Variants in ACTR3B observed in about 807,000 individuals in gnomAD.
The protein encoded by ACTR3B is actin-related protein 3B.
ACTR3B carries 8 observed loss-of-function variants against 59.0 expected under a neutral mutation model. The ratio of observed to expected loss-of-function variants is 0.14; its 90% CI spans 0.08 to 0.24. The LOEUF is 0.24. Ranked by LOEUF, ACTR3B falls within the 10% of genes least tolerant of loss-of-function variation. The pLI is 1.00. For missense variants in ACTR3B, 245 were observed against 552.3 expected (o/e 0.44, Z 5.58); for synonymous variants, 148 against 197.9 (o/e 0.75, Z 2.12).
intron 1 of ACTR3B, 49 bp downstream of exon 1, chr7:152,759,975 G>A: frequency 1.5e-6 from 2 of 1,297,578 alleles, no homozygotes; most frequent in Non-Finnish European, 2.0e-6. Context: ...CCCCGCTCCC[G>A]GCCCCTGGCG....
At chr7:152,781,302 C>T (rs1377764675) in intron 1 of ACTR3B, among the ~76,000 whole-genome samples, 2 of 147,226 alleles carry the variant, frequency 1.4e-5, no homozygotes, top group African/African-American at 2.5e-5. Context: ...TTTCTGGTTC[C>T]ATCAGATTCT....
chr7:152,837,793 G>A (rs962359503), intron 9 of ACTR3B, among the ~76,000 whole-genome samples: 3 of 152,142 alleles, frequency 2.0e-5, no homozygotes, highest in African/African-American at 4.8e-5. Context: ...GCTTCAAACC[G>A]ACTTTGTTGT....
chr7:152,836,536 G>C (rs1457698211), intron 9 of ACTR3B, among the ~76,000 whole-genome samples: 1 of 151,796 alleles, frequency 6.6e-6, no homozygotes, highest in Non-Finnish European at 1.5e-5. Flanking sequence ...GCAGTGAGCT[G>C]TGATTGCACC....
chr7:152,767,473 G>A (rs548144988), intron 1 of ACTR3B, among the ~76,000 whole-genome samples: 4 of 152,230 alleles, frequency 2.6e-5, no homozygotes, highest in East Asian at 3.9e-4. Context: ...ATGTATTTTC[G>A]ATTGTTGTTC....
intron 1 of ACTR3B, among the ~76,000 whole-genome samples, chr7:152,778,942 CCAAAAAAAAAAAAAAA>C (rs2098142967): frequency 2.4e-5 from 1 of 41,556 alleles, no homozygotes; most frequent in Non-Finnish European, 4.0e-5. Context: ...GACTGTGTCT[CCAAAAAAAAAAAAAAA>C]AAAAAAAAAA....
intron 9 of ACTR3B, among the ~76,000 whole-genome samples, chr7:152,834,501 C>G (rs1797287030): frequency 6.6e-6 from 1 of 152,194 alleles, no homozygotes; most frequent in African/African-American, 2.4e-5. Context: ...TTTTCATGAA[C>G]TGTAAATAGG....
At chr7:152,767,461 C>T (rs1445400657) in intron 1 of ACTR3B, among the ~76,000 whole-genome samples, 2 of 152,116 alleles carry the variant, frequency 1.3e-5, no homozygotes, top group East Asian at 1.9e-4. Context: ...TAGGGCTTTC[C>T]CATGTATTTT....
chr7:152,775,503 T>TA (rs751098646), intron 1 of ACTR3B, among the ~76,000 whole-genome samples: 3 of 152,130 alleles, frequency 2.0e-5, no homozygotes, highest in Non-Finnish European at 4.4e-5. Flanking sequence ...GCTCAGCCTG[T>TA]AATCCCAGCA....
intron 2 of ACTR3B, among the ~76,000 whole-genome samples, chr7:152,785,628 G>A (rs2098171561): frequency 7.4e-6 from 1 of 134,748 alleles, no homozygotes; most frequent in African/African-American, 2.8e-5. Context: ...ACCGTGGACA[G>A]TTGGCCTGCT....
intron 4 of ACTR3B, chr7:152,812,027 T>TTTTTTTTTTTC: frequency 2.2e-5 from 1 of 44,842 alleles, no homozygotes; most frequent in African/African-American, 6.3e-5. Context: ...GTCTTTTTTT[T>TTTTTTTTTTTC]TTTTTTTTTT....
At chr7:152,828,405 C>T (rs192624715) in intron 9 of ACTR3B, among the ~76,000 whole-genome samples, 71 of 152,086 alleles carry the variant, frequency 4.7e-4, no homozygotes, top group Middle Eastern at 3.4e-3. Context: ...CCAGAAGCAG[C>T]GTCTGAGCAG....
intron 1 of ACTR3B, among the ~76,000 whole-genome samples, chr7:152,775,374 T>C (rs952150455): frequency 9.9e-5 from 15 of 152,014 alleles, no homozygotes; most frequent in African/African-American, 3.4e-4. Flanking sequence ...TTCATGACTT[T>C]GCAGAACTGA....
chr7:152,845,927 G>A (rs551611902), intron 9 of ACTR3B, among the ~76,000 whole-genome samples: 31 of 152,346 alleles, frequency 2.0e-4, no homozygotes, highest in African/African-American at 7.5e-4. Context: ...GAAACAAATA[G>A]AATTGCTTTT....
chr7:152,846,772 G>A lies in ACTR3B; in HGVS notation c.952-5354G>A, dbSNP rs545159175. 2.8e-5 allele frequency among the ~76,000 whole-genome samples: 4 copies of A among 144,426 alleles called. No homozygotes were observed. In the East Asian group the frequency reaches 6.3e-4, roughly 23 times the overall value. 94.7% of individuals were successfully genotyped at this position (144,426 alleles called of 152,430 possible). ...AGTCTGCAGTGAGCTCTAGTGCCCG[G>A]GGCTGTAGTCTGTAGTGAGCTCTAG... On this transcript the variant is annotated intron_variant, in intron 9 of 11. Transcript: ENST00000256001.
Position 152,854,356 on chromosome 7 carries a change from G to T in ACTR3B, c.1162-102G>T. On this transcript the variant is annotated intron_variant, in intron 11 of 11. Transcript: ENST00000256001. The surrounding 1 kb of genome is among the most constrained non-coding windows in gnomAD (Gnocchi z 4.9). ...TGCAGCAGCGGTCCTGGGAGGGAGGGTGGAGGCCGGGATGAGGAGAGTGTC... is the reference window on the plus strand; with the variant it reads ...TGCAGCAGCGGTCCTGGGAGGGAGGTTGGAGGCCGGGATGAGGAGAGTGTC... The T allele has an allele frequency of 4.9e-6, 5 of 1,018,412 alleles. No homozygotes were observed. The highest frequency in any genetic ancestry group is 7.7e-6 in the Non-Finnish European group (5 of 649,540). The allele number at this position is 1,018,412 out of a possible 1,614,324, so 63.1% of individuals were successfully genotyped here.
intron 9 of ACTR3B, among the ~76,000 whole-genome samples, chr7:152,849,831 C>T (rs188511120): frequency 1.8e-4 from 28 of 152,372 alleles, no homozygotes; most frequent in African/African-American, 6.5e-4. Context: ...TACAGACACT[C>T]GGTAGAATTG....
intron 9 of ACTR3B, among the ~76,000 whole-genome samples, chr7:152,834,100 T>G (rs1324023744): frequency 7.3e-6 from 1 of 136,614 alleles, no homozygotes; most frequent in Non-Finnish European, 1.6e-5. Flanking sequence ...ATTTTCTAAA[T>G]TGTAAAAAAA....
At position 152,852,140 on chromosome 7, in the gene ACTR3B, A is replaced by G. The variant is rs757533169; in HGVS notation, c.966A>G (p.Ser322=). 5 of 1,614,092 alleles carry G rather than the reference A, an allele frequency of 3.1e-6. 1 individual carries two copies. The Middle Eastern group carries it at 6.6e-4, about 213-fold the overall frequency. Residue 322 remains serine, a synonymous_variant, in exon 10 of 12, where the codon TCA becomes TCG. Coordinates refer to ENST00000256001, the MANE Select transcript of ACTR3B (RefSeq NM_020445.6). ...GTGTCTTGTAGAATGTCGTACTCTCAGGAGGCTCCACCATGTTCAGGGATT... is the reference window on the plus strand; with the variant it reads ...GTGTCTTGTAGAATGTCGTACTCTCGGGAGGCTCCACCATGTTCAGGGATT... ...RRPLYKNVVL[S]GGSTMFRDFG...
In ACTR3B at chr7:152,854,267, G is replaced by A. The variant is rs1380363843; in HGVS notation, c.1162-191G>A. 2.0e-5 allele frequency among the ~76,000 whole-genome samples: 3 copies of A among 152,196 alleles called. No individual in the cohort carries two copies. Among genetic ancestry groups the A allele is most frequent in the African/African-American group, 7.2e-5 (3 of 41,450 alleles). ...TGGTCCTAAGAAGATACAGGCTGAT[G>A]AAATTTCTAAAAAGTGAAATAACTC... On this transcript the variant is annotated intron_variant, in intron 11 of 11. Coordinates refer to ENST00000256001, the MANE Select transcript of ACTR3B (RefSeq NM_020445.6). This position sits in a 1 kb window ranked among gnomAD's most constrained non-coding sequence, Gnocchi z 4.9.
Sources: allele counts gnomAD v4.1 joint callset (sites outside exome capture counted in the v4.1 genomes callset), GRCh38; gene constraint gnomAD v4.1.1; non-coding constraint Gnocchi (gnomAD v3.1); transcripts MANE v1.5; gene names NCBI Gene and HGNC (gene_info 2026-07-23, HGNC 2026-07-21).